The following PRKG1 variants were observed in gnomAD, a reference collection of about 807,000 sequenced individuals.
PRKG1 encodes protein kinase cGMP-dependent 1.
Under a neutral mutation model 88.1 loss-of-function variants are expected in PRKG1, and 35 were observed. The ratio of observed to expected loss-of-function variants is 0.40; its 90% CI spans 0.30 to 0.53. PRKG1 has a LOEUF of 0.53. Ranked by LOEUF, PRKG1 falls within the 20% of genes least tolerant of loss-of-function variation. The pLI is 0.59. For synonymous variants in PRKG1, 303 were observed against 292.5 expected, an observed-to-expected ratio of 1.04 and a Z score of -0.37; for missense variants, 540 against 839.8, an observed-to-expected ratio of 0.64 and a Z score of 4.41.
At chr10:51,883,819 C>T (rs1469869685) in intron 4 of PRKG1, among the ~76,000 whole-genome samples, 1 of 152,134 alleles carries the variant, frequency 6.6e-6, no homozygotes, top group Non-Finnish European at 1.5e-5. Context: ...TTGTGTGTGG[C>T]TGCCTCCACC....
intron 2 of PRKG1, among the ~76,000 whole-genome samples, chr10:51,370,904 A>G (rs773056751): frequency 1.6e-4 from 24 of 152,238 alleles, no homozygotes; most frequent in Admixed American, 6.5e-4. Context: ...GTGTAGTTAT[A>G]GAGTAAAAAC....
chr10:51,636,133 GTT>G (rs574230074), intron 3 of PRKG1, among the ~76,000 whole-genome samples: 1 of 152,020 alleles, frequency 6.6e-6, no homozygotes, highest in African/African-American at 2.4e-5. Flanking sequence ...GCTGCTTTAA[GTT>G]TTTTTTAGAA....
At chr10:51,416,432 G>A (rs1588936488) in intron 2 of PRKG1, among the ~76,000 whole-genome samples, 1 of 152,116 alleles carries the variant, frequency 6.6e-6, no homozygotes, top group South Asian at 2.1e-4. Context: ...GAAACAATTA[G>A]ATTTCTCTCA....
intron 8 of PRKG1, among the ~76,000 whole-genome samples, chr10:52,148,839 A>G (rs1837810457): frequency 1.3e-5 from 2 of 152,156 alleles, no homozygotes; most frequent in Non-Finnish European, 2.9e-5. Flanking sequence ...TAAGGGTGAA[A>G]GAAAGATGGG....
intron 3 of PRKG1, among the ~76,000 whole-genome samples, chr10:51,755,087 T>C (rs898258844): frequency 6.6e-6 from 1 of 152,120 alleles, no homozygotes; most frequent in Non-Finnish European, 1.5e-5. Flanking sequence ...TTTTTAAGTA[T>C]GGAATAAGAG....
chr10:52,216,740 A>G (rs1384530255), intron 9 of PRKG1, among the ~76,000 whole-genome samples: 1 of 152,124 alleles, frequency 6.6e-6, no homozygotes, highest in Non-Finnish European at 1.5e-5. Flanking sequence ...GCGGTTTTTT[A>G]AGATCAGTTT....
intron 5 of PRKG1, among the ~76,000 whole-genome samples, chr10:52,019,737 C>T (rs535694122): frequency 2.6e-5 from 4 of 152,150 alleles, no homozygotes; most frequent in Admixed American, 6.5e-5. Flanking sequence ...ATAAAATTAC[C>T]AAAATGGGTT....
intron 3 of PRKG1, among the ~76,000 whole-genome samples, chr10:51,667,719 T>C (rs983217600): frequency 6.6e-6 from 1 of 152,212 alleles, no homozygotes; most frequent in Non-Finnish European, 1.5e-5. Context: ...TATTAAGATT[T>C]ATTTGTCTCT....
At chr10:51,895,108 A>G (rs1365379485) in intron 4 of PRKG1, among the ~76,000 whole-genome samples, 3 of 152,230 alleles carry the variant, frequency 2.0e-5, no homozygotes, top group East Asian at 3.8e-4. Context: ...CATTAAATTA[A>G]TCATCTGGAC....
intron 2 of PRKG1, among the ~76,000 whole-genome samples, chr10:51,212,545 G>A (rs1838251583): frequency 6.6e-6 from 1 of 152,140 alleles, no homozygotes; most frequent in Admixed American, 6.5e-5. Flanking sequence ...GAGAATGGGA[G>A]AAAATTTTTG....
At position 52,082,116 on chromosome 10, in the gene PRKG1, C is replaced by A. The variant is rs138474377; in HGVS notation, c.935+19485C>A. 2.4e-3 allele frequency among the ~76,000 whole-genome samples: 367 copies of A among 152,062 alleles called. 1 individual carries two copies. The highest frequency in any genetic ancestry group is 6.3e-3 in the Admixed American group (96 of 15,254). On this transcript the variant is annotated intron_variant, in intron 7 of 17. Transcript: ENST00000373980. ...GAAGGCGGCAAGAAGAAGTACTGAG[C>A]GAAAGGGGGAATAAAACCCCTTTTA...
intron 4 of PRKG1, among the ~76,000 whole-genome samples, chr10:51,819,235 G>A (rs562153460): frequency 2.7e-4 from 41 of 151,974 alleles, no homozygotes; most frequent in African/African-American, 8.2e-4. Context: ...AAGAAAGAGA[G>A]GGGAGGTGTC....
intron 8 of PRKG1, among the ~76,000 whole-genome samples, 163 bp downstream of exon 8, chr10:52,134,068 G>A (rs1285751004): frequency 6.6e-6 from 1 of 152,058 alleles, no homozygotes. Context: ...CTTAAAAGTG[G>A]CTGGCTCTGC....
intron 4 of PRKG1, among the ~76,000 whole-genome samples, chr10:51,891,239 G>A (rs951486372): frequency 6.6e-6 from 1 of 152,162 alleles, no homozygotes; most frequent in African/African-American, 2.4e-5. Flanking sequence ...ACCCAAGCCA[G>A]GGTGACAGGG....
At chr10:51,583,618 A>G (rs1838098533) in intron 3 of PRKG1, among the ~76,000 whole-genome samples, 2 of 152,104 alleles carry the variant, frequency 1.3e-5, no homozygotes, top group African/African-American at 2.4e-5. Flanking sequence ...TCTAGAATAT[A>G]GTGCAGAGAG....
chr10:51,526,061 C>A (rs1167839446), intron 3 of PRKG1, among the ~76,000 whole-genome samples: 2 of 152,166 alleles, frequency 1.3e-5, no homozygotes, highest in Non-Finnish European at 2.9e-5. Context: ...TTCAGATGAT[C>A]TACCTGCCTT....
chr10:51,126,265 ATT>A (rs1340766854), intron 1 of PRKG1, among the ~76,000 whole-genome samples: 11 of 106,056 alleles, frequency 1.0e-4, no homozygotes, highest in African/African-American at 4.4e-4. Flanking sequence ...TTATATATTT[ATT>A]TATAATTATT....
chr10:52,134,142 G>A (rs1421127113), intron 8 of PRKG1, among the ~76,000 whole-genome samples: 1 of 152,140 alleles, frequency 6.6e-6, no homozygotes, highest in Non-Finnish European at 1.5e-5. Flanking sequence ...CAGCTCATTT[G>A]TAAACTGAGG....
intron 3 of PRKG1, among the ~76,000 whole-genome samples, chr10:51,495,223 T>G (rs1399530479): frequency 6.6e-6 from 1 of 152,082 alleles, no homozygotes; most frequent in Non-Finnish European, 1.5e-5. Context: ...GCCTCCTGAG[T>G]GGCTGGGACT....
Sources: allele counts gnomAD v4.1 joint callset (sites outside exome capture counted in the v4.1 genomes callset), GRCh38; gene constraint gnomAD v4.1.1; transcripts MANE v1.5; gene names NCBI Gene and HGNC (gene_info 2026-07-23, HGNC 2026-07-21).